Variants in KHDRBS2 observed in about 807,000 individuals in gnomAD.
KHDRBS2 encodes KH domain-containing, RNA-binding, signal transduction-associated protein 2.
KHDRBS2 carries 26 observed loss-of-function variants against 44.3 expected under a neutral mutation model. The ratio of observed to expected loss-of-function variants is 0.59; its 90% CI spans 0.43 to 0.81. KHDRBS2 has a LOEUF of 0.81. Among genes scored for constraint, KHDRBS2 ranks in the 40% least tolerant of loss-of-function variants. The probability of loss-of-function intolerance (pLI) is 0.00; values close to 1 mark genes in which losing one functional copy is unlikely to be tolerated. For synonymous variants in KHDRBS2, 194 were observed against 151.1 expected, an observed-to-expected ratio of 1.28 and a Z score of -2.08; for missense variants, 476 against 433.1, an observed-to-expected ratio of 1.10 and a Z score of -0.88.
chr6:62,246,206 G>A (rs915273945), intron 1 of KHDRBS2, among the ~76,000 whole-genome samples: 7 of 149,822 alleles, frequency 4.7e-5, no homozygotes, highest in Non-Finnish European at 1.0e-4. Flanking sequence ...GCACAAAGAA[G>A]AGGAATGTAT....
chr6:61,805,305 C>T (rs1313860217), intron 6 of KHDRBS2, among the ~76,000 whole-genome samples: 1 of 152,166 alleles, frequency 6.6e-6, no homozygotes, highest in African/African-American at 2.4e-5. Context: ...TCATCTCCAT[C>T]TGAGACCACC....
chr6:61,944,700 G>A (rs1006285230), intron 4 of KHDRBS2, among the ~76,000 whole-genome samples: 14 of 152,018 alleles, frequency 9.2e-5, no homozygotes, highest in African/African-American at 3.4e-4. Flanking sequence ...CTAATATGAT[G>A]GATACCCCAA....
At chr6:61,863,849 G>A (rs1463545483) in intron 6 of KHDRBS2, among the ~76,000 whole-genome samples, 1 of 152,108 alleles carries the variant, frequency 6.6e-6, no homozygotes, top group African/African-American at 2.4e-5. Flanking sequence ...CTAATGTTCA[G>A]ACTCAATGAT....
the KHDRBS2 span, among the ~76,000 whole-genome samples, chr6:61,649,878 C>G: frequency 6.6e-6 from 1 of 152,168 alleles, no homozygotes; most frequent in African/African-American, 2.4e-5. Context: ...GTTCTTCTTA[C>G]AGCAACCAGG....
At chr6:62,003,113 A>G (rs879540129) in intron 3 of KHDRBS2, among the ~76,000 whole-genome samples, 3 of 151,934 alleles carry the variant, frequency 2.0e-5, no homozygotes, top group Non-Finnish European at 4.4e-5. Context: ...CATACTTCCA[A>G]TTCAGACAAT....
chr6:61,707,187 T>C (rs1769731991), intron 7 of KHDRBS2, among the ~76,000 whole-genome samples: 1 of 151,490 alleles, frequency 6.6e-6, no homozygotes. Context: ...AGGGGTGTAC[T>C]TAGGATAGTC....
chr6:61,960,138 A>G (rs1454518460), intron 4 of KHDRBS2, among the ~76,000 whole-genome samples: 3 of 152,054 alleles, frequency 2.0e-5, no homozygotes, highest in African/African-American at 7.2e-5. Flanking sequence ...CCCAGGGCTC[A>G]GAAAGTACTC....
At chr6:62,030,195 C>G (rs1784092332) in intron 3 of KHDRBS2, among the ~76,000 whole-genome samples, 1 of 152,064 alleles carries the variant, frequency 6.6e-6, no homozygotes. Flanking sequence ...TATCACCACT[C>G]TGGTGTACTA....
chr6:61,575,586 T>C, the KHDRBS2 span, among the ~76,000 whole-genome samples: 1 of 152,128 alleles, frequency 6.6e-6, no homozygotes, highest in Non-Finnish European at 1.5e-5. Context: ...TACCACTTCA[T>C]CCAGAAGTCT....
chr6:61,899,379 A>AATG (rs1803503846), intron 5 of KHDRBS2, among the ~76,000 whole-genome samples: 1 of 151,918 alleles, frequency 6.6e-6, no homozygotes, highest in Admixed American at 6.6e-5. Flanking sequence ...TAGCACCACT[A>AATG]ATGATATCAG....
At chr6:61,860,061 T>C (rs1796698738) in intron 6 of KHDRBS2, among the ~76,000 whole-genome samples, 1 of 151,968 alleles carries the variant, frequency 6.6e-6, no homozygotes, top group East Asian at 1.9e-4. Context: ...AAGGGAATTT[T>C]TGAAATTACA....
At chr6:61,637,578 T>A in the KHDRBS2 span, among the ~76,000 whole-genome samples, 5 of 152,272 alleles carry the variant, frequency 3.3e-5, no homozygotes, top group South Asian at 2.1e-4. Context: ...CAAATGGTAT[T>A]TCTAGTTCTA....
chr6:61,974,584 C>T (rs1349137730), intron 4 of KHDRBS2, among the ~76,000 whole-genome samples: 1 of 151,704 alleles, frequency 6.6e-6, no homozygotes. Context: ...TTAAAATTAG[C>T]CATGTTCAAA....
rs188591785 is a variant in KHDRBS2, at chr6:62,227,515, T to C, written c.92-50203A>G. 3.3e-3 allele frequency among the ~76,000 whole-genome samples: 507 copies of C among 152,284 alleles called. 2 individuals are homozygous for C. The highest frequency in any genetic ancestry group is 0.012 in the African/African-American group (491 of 41,566). On this transcript the variant is annotated intron_variant, in intron 1 of 8. Coordinates refer to ENST00000281156, the MANE Select transcript of KHDRBS2 (RefSeq NM_152688.4). ...CTCTTCCTATTTGAATGCCAATTATTTCTTTCTCTTGCCTAACTGCCCTGC... is the reference window on the plus strand; with the variant it reads ...CTCTTCCTATTTGAATGCCAATTATCTCTTTCTCTTGCCTAACTGCCCTGC...
At chr6:61,600,353 C>T in the KHDRBS2 span, among the ~76,000 whole-genome samples, 23 of 152,258 alleles carry the variant, frequency 1.5e-4, no homozygotes, top group African/African-American at 5.5e-4. Context: ...CCAGTCCCTG[C>T]CTTAAGTGAT....
chr6:61,568,462 T>C, the KHDRBS2 span, among the ~76,000 whole-genome samples: 1 of 152,164 alleles, frequency 6.6e-6, no homozygotes, highest in African/African-American at 2.4e-5. Context: ...GAACAGCATG[T>C]GGAGACTCAC....
chr6:61,626,503 C>G, the KHDRBS2 span, among the ~76,000 whole-genome samples: 4 of 152,280 alleles, frequency 2.6e-5, no homozygotes, highest in South Asian at 8.3e-4. Flanking sequence ...TTGCATTTGT[C>G]TAACAAGAAA....
In KHDRBS2 at chr6:61,978,150, T is replaced by C. The variant is rs779180889; in HGVS notation, c.399A>G (p.Val133=). The change falls in exon 4 of 9, where the codon GTA becomes GTG. Residue 133 remains valine (V), a synonymous_variant. Transcript: ENST00000281156. Reference sequence around the variant, plus strand: ...CAGGTGGAGCAAACACTTCAATTAATACATGAAGCTCATCACTCAAGTGGG... The same window carrying C: ...CAGGTGGAGCAAACACTTCAATTAACACATGAAGCTCATCACTCAAGTGGG... ...KYAHLSDELH[V]LIEVFAPPGE... The C allele has an allele frequency of 2.7e-5, 44 of 1,611,808 alleles. No homozygotes were observed. In the South Asian group the frequency reaches 4.1e-4, roughly 15 times the overall value.
chr6:62,047,782 T>C lies in KHDRBS2; in HGVS notation c.336+96A>G, dbSNP rs1788036805. 4.1e-6 allele frequency: 3 copies of C among 738,772 alleles called. No homozygotes were observed. The South Asian group carries it at 4.8e-5, about 12-fold the overall frequency. The allele number at this position is 738,772 out of a possible 1,614,324, so 45.8% of individuals were successfully genotyped here. A position where few individuals can be genotyped will look rare whatever the true frequency, so the allele number is the denominator to read the frequency against. On this transcript the variant is annotated intron_variant, in intron 3 of 8. Coordinates refer to ENST00000281156, the MANE Select transcript of KHDRBS2 (RefSeq NM_152688.4). ...CCCAGGAAATGGAAATCATAGGAAA[T>C]GGTGAAAGAGCAGTTCAGGCATGCT...
Sources: gnomAD v4.1 joint callset for allele counts (sites outside exome capture counted in the v4.1 genomes callset) on GRCh38, gnomAD v4.1.1 for gene constraint, MANE v1.5 for transcripts, NCBI Gene and HGNC (gene_info 2026-07-23, HGNC 2026-07-21) for gene names.